LIMCH1: variants seen among roughly 807,000 people sequenced by gnomAD.
LIMCH1 encodes LIM and calponin homology domains-containing protein 1.
LIMCH1 carries 113 observed loss-of-function variants against 176.5 expected under a neutral mutation model. That is an observed-to-expected ratio of 0.64 (90% CI 0.55 to 0.75). The LOEUF is 0.75. Ranked by LOEUF, LIMCH1 falls within the 30% of genes least tolerant of loss-of-function variation. LIMCH1 has a pLI of 0.00. For synonymous variants in LIMCH1, 619 were observed against 645.9 expected (o/e 0.96, Z 0.63); for missense variants, 1,674 against 1,814.9 (o/e 0.92, Z 1.41).
intron 2 of LIMCH1, among the ~76,000 whole-genome samples, chr4:41,516,661 CTG>C (rs1400520768): frequency 6.6e-6 from 1 of 152,196 alleles, no homozygotes; most frequent in Non-Finnish European, 1.5e-5. Flanking sequence ...CAAATAATTG[CTG>C]TCTGTTCCTT....
intron 2 of LIMCH1, among the ~76,000 whole-genome samples, chr4:41,603,329 A>G (rs2090244443): frequency 6.6e-6 from 1 of 152,206 alleles, no homozygotes; most frequent in Non-Finnish European, 1.5e-5. Flanking sequence ...ATGTGTGTAT[A>G]TTTGAACATA....
At chr4:41,592,455 C>A (rs1255953067) in intron 1 of LIMCH1, among the ~76,000 whole-genome samples, 1 of 149,126 alleles carries the variant, frequency 6.7e-6, no homozygotes, top group Non-Finnish European at 1.5e-5. Flanking sequence ...ACAATAGCAG[C>A]AACTATCTTT....
intron 1 of LIMCH1, chr4:41,473,300 C>A: frequency 2.1e-6 from 1 of 471,358 alleles, no homozygotes; most frequent in Non-Finnish European, 2.8e-6. Flanking sequence ...CCATCACTAC[C>A]AACGTGTTGC....
chr4:41,614,270 G>T (rs1488954226), intron 5 of LIMCH1, among the ~76,000 whole-genome samples: 4 of 152,112 alleles, frequency 2.6e-5, no homozygotes, highest in African/African-American at 4.8e-5. Flanking sequence ...AAACCCTATG[G>T]GTTTTATATC....
At chr4:41,528,212 G>A (rs1446082701) in intron 3 of LIMCH1, among the ~76,000 whole-genome samples, 1 of 151,864 alleles carries the variant, frequency 6.6e-6, no homozygotes, top group Non-Finnish European at 1.5e-5. Context: ...GAGATAAGAA[G>A]GAAGGAAAGG....
In LIMCH1 at chr4:41,699,531, A is replaced by G. The variant is rs1251216050; in HGVS notation, c.*2346A>G. On this transcript the variant is annotated 3_prime_UTR_variant, in exon 32 of 32. Transcript: ENST00000503057. Reference sequence around the variant, plus strand: ...TTTTTTCCAATGCAGCATAATGAGTATGATCTATTTCTTTTCAAATAATCT... The same window carrying G: ...TTTTTTCCAATGCAGCATAATGAGTGTGATCTATTTCTTTTCAAATAATCT... 1 of 152,066 alleles carries G rather than the reference A, an allele frequency of 6.6e-6. No individual in the cohort carries two copies. The highest frequency in any genetic ancestry group is 1.5e-5 in the Non-Finnish European group (1 of 68,020). The allele number at this position is 152,066 out of a possible 1,614,324, so 9.4% of individuals were successfully genotyped here.
At chr4:41,660,136 A>G (rs779133129) in intron 18 of LIMCH1, among the ~76,000 whole-genome samples, 6 of 152,218 alleles carry the variant, frequency 3.9e-5, no homozygotes, top group Non-Finnish European at 7.3e-5. Flanking sequence ...ACATCAAACT[A>G]TGTATACAGT....
At chr4:41,521,287 T>C (rs2076094688) in intron 2 of LIMCH1, among the ~76,000 whole-genome samples, 1 of 152,144 alleles carries the variant, frequency 6.6e-6, no homozygotes, top group Non-Finnish European at 1.5e-5. Context: ...CTCTGGGAAA[T>C]CTTCATATCT....
At chr4:41,558,655 C>CTT (rs2081631646) in intron 1 of LIMCH1, among the ~76,000 whole-genome samples, 1 of 152,104 alleles carries the variant, frequency 6.6e-6, no homozygotes, top group African/African-American at 2.4e-5. Context: ...TGAGTGGGTT[C>CTT]CTGTGCCCAT....
At position 41,384,731 on chromosome 4, in the gene LIMCH1, C is replaced by T. The variant is rs147971236; in HGVS notation, c.96+23795C>T. Among the ~76,000 whole-genome samples the T allele has an allele frequency of 6.2e-3, 948 of 152,138 alleles. 9 individuals are homozygous for T. The highest frequency in any genetic ancestry group is 0.021 in the African/African-American group (851 of 41,506). Reference sequence around the variant, plus strand: ...TATGCAAGGGAGAAGATGCTAAGTGCGGTTGTAGATATATTAAGTTTGATG... The same window carrying T: ...TATGCAAGGGAGAAGATGCTAAGTGTGGTTGTAGATATATTAAGTTTGATG... On this transcript the variant is annotated intron_variant, in intron 1 of 26. Transcript: ENST00000313860.
chr4:41,653,138 G>A (rs1449280308), intron 18 of LIMCH1, among the ~76,000 whole-genome samples: 1 of 152,086 alleles, frequency 6.6e-6, no homozygotes, highest in East Asian at 1.9e-4. Flanking sequence ...TACTACATAG[G>A]ACTGTGGCTC....
intron 3 of LIMCH1, among the ~76,000 whole-genome samples, chr4:41,532,771 A>G (rs1393294611): frequency 6.6e-6 from 1 of 152,166 alleles, no homozygotes; most frequent in Non-Finnish European, 1.5e-5. Context: ...TCATCTTGTG[A>G]TTATTATGTC....
rs961675164 is a variant in LIMCH1, at chr4:41,628,718, T to G, written c.1029-774T>G. Reference sequence around the variant, plus strand: ...ATATATAAATGCCACAGCTTTGGTTTAAATCGCAGTTTTGTCAACATTAGC... The same window carrying G: ...ATATATAAATGCCACAGCTTTGGTTGAAATCGCAGTTTTGTCAACATTAGC... On this transcript the variant is annotated intron_variant, in intron 8 of 31. Transcript: ENST00000503057. Among the ~76,000 whole-genome samples the G allele has an allele frequency of 1.2e-4, 18 of 152,340 alleles. 1 individual carries two copies. Among genetic ancestry groups the G allele is most frequent in the Admixed American group, 1.0e-3 (16 of 15,294 alleles).
intron 21 of LIMCH1, 68 bp downstream of exon 21, chr4:41,666,734 T>G: frequency 9.5e-7 from 1 of 1,054,894 alleles, no homozygotes; most frequent in Non-Finnish European, 1.5e-6. Context: ...TATTACTTAA[T>G]TTAAAGGAAG....
intron 1 of LIMCH1, among the ~76,000 whole-genome samples, chr4:41,438,867 G>A (rs1398778844): frequency 6.6e-6 from 1 of 152,200 alleles, no homozygotes; most frequent in Non-Finnish European, 1.5e-5. Flanking sequence ...CACATGGCTT[G>A]GATGTGGTGG....
intron 26 of LIMCH1, among the ~76,000 whole-genome samples, chr4:41,683,193 G>A (rs1350454766): frequency 6.6e-6 from 1 of 152,146 alleles, no homozygotes; most frequent in Non-Finnish European, 1.5e-5. Flanking sequence ...TGAGCTGTAA[G>A]AAATCATGTT....
intron 1 of LIMCH1, among the ~76,000 whole-genome samples, chr4:41,424,287 G>T (rs979802498): frequency 6.6e-6 from 1 of 151,982 alleles, no homozygotes; most frequent in East Asian, 1.9e-4. Context: ...AATTGAGACC[G>T]TTTGGAAATA....
chr4:41,451,890 A>G (rs1474308973), intron 1 of LIMCH1, among the ~76,000 whole-genome samples: 1 of 151,948 alleles, frequency 6.6e-6, no homozygotes, highest in Non-Finnish European at 1.5e-5. Flanking sequence ...CCATCTTCTT[A>G]CCTTTTTTCC....
chr4:41,436,251 A>G (rs1483796367), intron 1 of LIMCH1, among the ~76,000 whole-genome samples: 1 of 152,164 alleles, frequency 6.6e-6, no homozygotes, highest in Non-Finnish European at 1.5e-5. Flanking sequence ...CTCCACAACT[A>G]TTCACTGTTC....
Sources: gnomAD v4.1 joint callset for allele counts (sites outside exome capture counted in the v4.1 genomes callset) on GRCh38, gnomAD v4.1.1 for gene constraint, MANE v1.5 for transcripts, NCBI Gene and HGNC (gene_info 2026-07-23, HGNC 2026-07-21) for gene names.